The following EIF5B variants were observed in gnomAD, a reference collection of about 807,000 sequenced individuals.
EIF5B encodes eukaryotic translation initiation factor 5B, also known as eIF-5B.
EIF5B carries 47 observed loss-of-function variants against 147.5 expected under a neutral mutation model. That is an observed-to-expected ratio of 0.32 (90% confidence interval 0.25 to 0.41). The LOEUF (loss-of-function observed/expected upper bound fraction) is 0.41, where lower values mean the gene tolerates loss of function less well. EIF5B is among the 10% of genes least tolerant of loss of function. The pLI, the probability that EIF5B is intolerant of heterozygous loss-of-function variation, is 1.00. For missense variants in EIF5B, 1,064 were observed against 1,413.2 expected, an observed-to-expected ratio of 0.75 and a Z score of 3.96; for synonymous variants, 455 against 456.2, an observed-to-expected ratio of 1.00 and a Z score of 0.03.
At chr2:99,397,991 G>T (rs1345947146) in intron 22 of EIF5B, 2 of 147,020 alleles carry the variant, frequency 1.4e-5, no homozygotes, top group East Asian at 2.0e-4. Context: ...ATTTTCTATT[G>T]TGGTCAGTAG....
At chr2:99,374,313 T>C (rs920480367) in intron 9 of EIF5B, among the ~76,000 whole-genome samples, 2 of 147,928 alleles carry the variant, frequency 1.4e-5, no homozygotes, top group South Asian at 2.1e-4. Context: ...AAAAAAAAGA[T>C]ATAATTTTTC....
At chr2:99,373,791 A>G (rs1411626785) in intron 9 of EIF5B, among the ~76,000 whole-genome samples, 1 of 151,564 alleles carries the variant, frequency 6.6e-6, no homozygotes, top group Non-Finnish European at 1.5e-5. Context: ...CTCCTTTCTA[A>G]TCATCTTTTG....
intron 1 of EIF5B, among the ~76,000 whole-genome samples, chr2:99,345,780 A>G (rs2094271652): frequency 1.3e-5 from 2 of 151,158 alleles, no homozygotes; most frequent in African/African-American, 4.9e-5. Context: ...CCCCATCTCT[A>G]CCCCCTAAAA....
chr2:99,378,898 A>G lies in EIF5B; in HGVS notation c.1843-121A>G, dbSNP rs577265876. On this transcript the variant is annotated intron_variant, in intron 10 of 23. Transcript: ENST00000289371. ...TATAAATTCCAATTATGTGTAGTCA[A>G]ATCAACAAAGAACTTGGATGCAGGT... is the stretch of plus-strand genomic sequence containing the variant. The G allele has an allele frequency of 6.5e-5, 46 of 710,644 alleles. 1 individual carries two copies. The East Asian group carries it at 1.2e-3, about 18-fold the overall frequency. 44.0% of individuals were successfully genotyped at this position (710,644 alleles called of 1,614,324 possible). A position where few individuals can be genotyped will look rare whatever the true frequency, so the allele number is the denominator to read the frequency against.
At chr2:99,395,229 T>C (rs1438731166) in intron 21 of EIF5B, among the ~76,000 whole-genome samples, 2 of 152,250 alleles carry the variant, frequency 1.3e-5, no homozygotes, top group Non-Finnish European at 2.9e-5. Flanking sequence ...TAAGAGATTC[T>C]GTGGGAGAGA....
intron 5 of EIF5B, 41 bp from the exon 6 acceptor site, chr2:99,364,230 T>C (rs767018184): frequency 6.5e-7 from 1 of 1,529,506 alleles, no homozygotes; most frequent in Admixed American, 2.2e-5. Context: ...TATAGTTCAT[T>C]AAATGAATAC....
At chr2:99,360,962 C>T (rs1022564702) in intron 3 of EIF5B, among the ~76,000 whole-genome samples, 186 bp from the exon 4 acceptor site, 2 of 152,148 alleles carry the variant, frequency 1.3e-5, no homozygotes, top group Non-Finnish European at 2.9e-5. Flanking sequence ...TACAATGATG[C>T]GAGATGTGTC....
intron 1 of EIF5B, among the ~76,000 whole-genome samples, chr2:99,337,846 A>G (rs566472519): frequency 3.2e-4 from 49 of 152,310 alleles, no homozygotes; most frequent in African/African-American, 1.2e-3. Flanking sequence ...CGGGGTAGTC[A>G]TTTGAGGGTT....
chr2:99,342,046 T>G (rs1264680360), intron 1 of EIF5B, among the ~76,000 whole-genome samples: 1 of 152,198 alleles, frequency 6.6e-6, no homozygotes, highest in East Asian at 1.9e-4. Flanking sequence ...GGGAATGAAT[T>G]TGAGGACTGC....
chr2:99,376,289 T>G, intron 9 of EIF5B, 58 bp from the exon 10 acceptor site: 2 of 1,149,640 alleles, frequency 1.7e-6, no homozygotes, highest in Non-Finnish European at 2.4e-6. Context: ...GTCTCTTATC[T>G]TGATATAAAT....
rs1414328837 is a variant in EIF5B at position 99,369,398 on chromosome 2, A to C, written c.1394A>C (p.Glu465Ala). 1.2e-6 allele frequency: 2 copies of C among 1,609,506 alleles called. No individual in the cohort carries two copies. Among genetic ancestry groups the C allele is most frequent in the Non-Finnish European group, 1.7e-6 (2 of 1,177,864 alleles). Reference protein sequence around the residue: ...PQQLESKEVSESMELCAAVEV... With the variant: ...PQQLESKEVSASMELCAAVEV... Reference sequence around the variant, plus strand: ...GTTTCTGCCCCTTTTTCAGTGTCTGAATCAATGGAATTATGTGCTGCTGTA... The same window carrying C: ...GTTTCTGCCCCTTTTTCAGTGTCTGCATCAATGGAATTATGTGCTGCTGTA... The change falls in exon 8 of 24, where the codon GAA becomes GCA. Residue 465 changes from glutamate (E) to alanine (A), a missense_variant. This residue lies in a region of EIF5B where 195 missense variants were observed against 186.3 expected (regional missense o/e 1.05). Coordinates refer to ENST00000289371, the MANE Select transcript of EIF5B (RefSeq NM_015904.4).
Position 99,390,688 on chromosome 2 carries a change from A to G in EIF5B, c.2731A>G (p.Lys911Glu), listed in dbSNP as rs1204499037. The G allele has an allele frequency of 6.2e-7, 1 of 1,603,980 alleles. No individual in the cohort carries two copies. The highest frequency in any genetic ancestry group is 8.5e-7 in the Non-Finnish European group (1 of 1,171,692). Residue 911 changes from lysine to glutamate, a missense_variant, in exon 17 of 24, where the codon AAG becomes GAG. This residue lies in a region of EIF5B where 380 missense variants were observed against 715.6 expected (regional missense o/e 0.53). Coordinates refer to ENST00000289371, the MANE Select transcript of EIF5B (RefSeq NM_015904.4). The part of the protein sequence containing the change: ...IRGLLLPPPM[K>E]ELRVKNQYEK... ...AGGCCTCCTGTTACCTCCTCCTATGAAGGAATTACGAGTGAAGGTATGCTG... is the reference window on the plus strand; with the variant it reads ...AGGCCTCCTGTTACCTCCTCCTATGGAGGAATTACGAGTGAAGGTATGCTG...
intron 14 of EIF5B, 152 bp downstream of exon 14, chr2:99,383,073 TGTGTATA>T: frequency 1.2e-6 from 1 of 817,326 alleles, no homozygotes; most frequent in Middle Eastern, 4.1e-4. Context: ...TGTGTGTATT[TGTGTATA>T]GTTTTTTTTT....
chr2:99,375,562 G>A (rs1431240762), intron 9 of EIF5B, among the ~76,000 whole-genome samples: 6 of 152,158 alleles, frequency 3.9e-5, no homozygotes, highest in Non-Finnish European at 7.4e-5. Context: ...ATGCAGCTTA[G>A]CCTTTCATCT....
intron 14 of EIF5B, among the ~76,000 whole-genome samples, chr2:99,389,352 A>G (rs1358626947): frequency 1.3e-5 from 2 of 152,198 alleles, no homozygotes; most frequent in Non-Finnish European, 2.9e-5. Flanking sequence ...ATTTTTTGGT[A>G]TATAATTTTA....
chr2:99,361,297 A>G lies in EIF5B; in HGVS notation c.396A>G (p.Glu132=). The part of the protein sequence containing the change: ...KSKKTAKPKV[E]MYSGSDDDDD... The stretch of plus-strand genomic sequence containing the variant: ...AAAAGACTGCAAAACCGAAAGTGGA[A>G]ATGTACTCTGGGAGTGATGATGATG... Residue 132 remains glutamate, a synonymous_variant, in exon 4 of 24, where the codon GAA becomes GAG. Coordinates refer to ENST00000289371, the MANE Select transcript of EIF5B (RefSeq NM_015904.4). 1 of 1,612,400 alleles carries G rather than the reference A, an allele frequency of 6.2e-7. No homozygotes were observed.
At chr2:99,362,423 G>A (rs937190133) in intron 4 of EIF5B, among the ~76,000 whole-genome samples, 1 of 152,066 alleles carries the variant, frequency 6.6e-6, no homozygotes, top group Non-Finnish European at 1.5e-5. Flanking sequence ...GTAGTTTTTG[G>A]GCTGGGCGCG....
At chr2:99,381,885 TTAA>T (rs1322893750) in intron 12 of EIF5B, among the ~76,000 whole-genome samples, 1 of 152,174 alleles carries the variant, frequency 6.6e-6, no homozygotes, top group Non-Finnish European at 1.5e-5. Flanking sequence ...CACCACTTAC[TTAA>T]TAATCTGCTC....
chr2:99,347,377 G>A (rs2094275524), intron 1 of EIF5B, among the ~76,000 whole-genome samples: 1 of 152,180 alleles, frequency 6.6e-6, no homozygotes, highest in Non-Finnish European at 1.5e-5. Flanking sequence ...GTATTGATTT[G>A]AAAGATGATG....
Sources: allele counts gnomAD v4.1 joint callset (sites outside exome capture counted in the v4.1 genomes callset), GRCh38; gene constraint gnomAD v4.1.1; regional missense constraint gnomAD v4.1.1; transcripts MANE v1.5; gene names NCBI Gene and HGNC (gene_info 2026-07-23, HGNC 2026-07-21).